The following ARHGAP26 variants were observed in gnomAD, a reference collection of about 807,000 sequenced individuals.
The protein encoded by ARHGAP26 is Rho GTPase activating protein 26.
ARHGAP26 carries 38 observed loss-of-function variants against 104.8 expected under a neutral mutation model. The ratio of observed to expected loss-of-function variants is 0.36; its 90% CI spans 0.28 to 0.48. The LOEUF (loss-of-function observed/expected upper bound fraction) is 0.48, where lower values mean the gene tolerates loss of function less well. ARHGAP26 is among the 20% of genes least tolerant of loss of function. The pLI, the probability that ARHGAP26 is intolerant of heterozygous loss-of-function variation, is 0.99. For synonymous variants in ARHGAP26, 341 were observed against 340.0 expected, an observed-to-expected ratio of 1.00 and a Z score of -0.03; for missense variants, 704 against 947.9, an observed-to-expected ratio of 0.74 and a Z score of 3.38.
Position 143,134,105 on chromosome 5 carries a change from C to T in ARHGAP26, c.1837C>T (p.Gln613Ter), listed in dbSNP as rs1484850928. 5 of 1,608,654 alleles carry T rather than the reference C, an allele frequency of 3.1e-6. No homozygotes were observed. Among genetic ancestry groups the T allele is most frequent in the African/African-American group, 1.3e-5 (1 of 74,780 alleles). The change falls in exon 19 of 23, where the codon CAG (glutamine) becomes TAG (stop). Residue 613 changes from glutamine to a stop codon, truncating the protein, a stop_gained and splice_region_variant. Transcript: ENST00000645722. LOFTEE classifies it high-confidence loss of function. ...LFHTVQSTEKQEQRNSIINSS... is the reference protein window; with the variant it reads ...LFHTVQSTEK ...CCACACCGTTCAGTCAACAGAGAAA[C>T]GTGAGTCTTTGCTGCATAGGGCCAG...
chr5:143,034,891 T>G (rs998100069), intron 12 of ARHGAP26, among the ~76,000 whole-genome samples: 1 of 152,248 alleles, frequency 6.6e-6, no homozygotes, highest in Non-Finnish European at 1.5e-5. Flanking sequence ...TAATTGGGCT[T>G]TCAGCCTGTA....
chr5:142,920,096 A>G (rs1359377698), intron 10 of ARHGAP26, among the ~76,000 whole-genome samples: 1 of 152,208 alleles, frequency 6.6e-6, no homozygotes, highest in Non-Finnish European at 1.5e-5. Context: ...AAGCATTTGA[A>G]GGTTTATAAT....
At position 143,165,967 on chromosome 5, in the gene ARHGAP26, T is replaced by C. The variant is rs551200964; in HGVS notation, c.1988+18586T>C. 92 of 1,228,806 alleles carry C rather than the reference T, an allele frequency of 7.5e-5. 2 individuals are homozygous for C. In the South Asian group the frequency reaches 1.3e-3, roughly 17 times the overall value. 76.1% of individuals were successfully genotyped at this position (1,228,806 alleles called of 1,614,324 possible). A position where few individuals can be genotyped will look rare whatever the true frequency, so the allele number is the denominator to read the frequency against. ...AGCACTTTGCATGGCTTCTGGCTCA[T>C]AATCAGGGCTCAGTAAAAGTTACCT... On this transcript the variant is annotated intron_variant, in intron 20 of 22. Coordinates refer to ENST00000645722, the MANE Select transcript of ARHGAP26 (RefSeq NM_001135608.3).
At position 143,207,294 on chromosome 5, in the gene ARHGAP26, C is replaced by T. The variant is rs139465573; in HGVS notation, c.2085C>T (p.Asp695=). Residue 695 remains aspartate, a synonymous_variant, in exon 21 of 23, where the codon GAC becomes GAT. Transcript: ENST00000645722. The stretch of plus-strand genomic sequence containing the variant: ...TGCCCACCTCATCCACGTCCAGCGA[C>T]TCATCCCCCGTCAGGTCTGTTGCAG... The part of the protein sequence containing the change: ...SPMPTSSTSS[D]SSPVSTPFRK... The T allele has an allele frequency of 1.3e-5, 21 of 1,614,076 alleles. No individual in the cohort carries two copies. Among genetic ancestry groups the T allele is most frequent in the Non-Finnish European group, 1.6e-5 (19 of 1,180,038 alleles).
At chr5:143,186,538 C>A (rs1159778175) in intron 20 of ARHGAP26, among the ~76,000 whole-genome samples, 1 of 152,200 alleles carries the variant, frequency 6.6e-6, no homozygotes, top group Non-Finnish European at 1.5e-5. Flanking sequence ...TTTCTTTGAG[C>A]AAACCAATGG....
intron 11 of ARHGAP26, among the ~76,000 whole-genome samples, chr5:143,012,881 C>G (rs545216693): frequency 7.2e-5 from 11 of 151,834 alleles, no homozygotes; most frequent in Non-Finnish European, 1.3e-4. Flanking sequence ...GTCTCGATCT[C>G]CTGACCTCAT....
At chr5:142,992,540 G>A (rs951295948) in intron 11 of ARHGAP26, among the ~76,000 whole-genome samples, 42 of 150,842 alleles carry the variant, frequency 2.8e-4, no homozygotes, top group Non-Finnish European at 5.6e-4. Context: ...TCATTCTCCC[G>A]CCTCAGCCTC....
intron 4 of ARHGAP26, among the ~76,000 whole-genome samples, chr5:142,880,677 G>A (rs113594227): frequency 6.6e-6 from 1 of 152,028 alleles, no homozygotes; most frequent in Non-Finnish European, 1.5e-5. Context: ...ATTCAGCTGC[G>A]GTCTCTTACG....
At chr5:143,222,324 A>G in intron 22 of ARHGAP26, 34 bp from the exon 23 acceptor site, 2 of 1,487,984 alleles carry the variant, frequency 1.3e-6, no homozygotes, top group Non-Finnish European at 1.8e-6. Context: ...CTGTAATGCC[A>G]TCTCTTCTCG....
At chr5:142,962,534 T>TTA (rs146676871) in intron 11 of ARHGAP26, among the ~76,000 whole-genome samples, 5,864 of 152,296 alleles carry the variant, frequency 0.039, 123 homozygotes, top group Middle Eastern at 0.058. Flanking sequence ...TTTTCCCAGG[T>TTA]TATAGGCTGC....
intron 17 of ARHGAP26, among the ~76,000 whole-genome samples, chr5:143,070,237 G>T (rs754566514): frequency 1.8e-4 from 28 of 152,136 alleles, no homozygotes; most frequent in Non-Finnish European, 3.7e-4. Context: ...TAATAGAACT[G>T]CCACTTAAAC....
chr5:143,086,257 C>T (rs181841729), intron 17 of ARHGAP26, among the ~76,000 whole-genome samples: 1 of 152,310 alleles, frequency 6.6e-6, no homozygotes, highest in African/African-American at 2.4e-5. Context: ...AACTTCCAGT[C>T]CCCTCTGGCA....
In ARHGAP26 at chr5:142,875,133, A is replaced by G; in HGVS notation, c.274A>G (p.Thr92Ala). ...CIARSLQEFA[T>A]VLRNLEDERI... is the part of the protein sequence containing the mutation. ...AGCAAGATCTTTGCAGGAGTTTGCC[A>G]CTGTCCTCAGGAATCTTGAAGATGA... The change falls in exon 3 of 23, where the codon ACT (threonine) becomes GCT (alanine). Residue 92 changes from threonine to alanine, a missense_variant. Physicochemically the swap from Thr to Ala is moderately conservative, Grantham distance 58 (BLOSUM62 0). Transcript: ENST00000645722. 6.2e-7 allele frequency: 1 copy of G among 1,614,112 alleles called. No homozygotes were observed. Among genetic ancestry groups the G allele is most frequent in the Non-Finnish European group, 8.5e-7 (1 of 1,180,010 alleles).
At chr5:143,004,498 C>T (rs570822949) in intron 11 of ARHGAP26, among the ~76,000 whole-genome samples, 12 of 152,222 alleles carry the variant, frequency 7.9e-5, no homozygotes, top group African/African-American at 2.2e-4. Context: ...CAGGAATGCC[C>T]GGGATGCCTT....
intron 17 of ARHGAP26, among the ~76,000 whole-genome samples, chr5:143,066,716 G>A (rs1787545687): frequency 6.6e-6 from 1 of 152,174 alleles, no homozygotes; most frequent in Non-Finnish European, 1.5e-5. Context: ...CACAGCTCTT[G>A]TCCACTTGGG....
Position 142,978,203 on chromosome 5 carries a change from A to G in ARHGAP26, c.1108-35877A>G, listed in dbSNP as rs554570823. ...TTCAGAGGGGCTTAGGGTTTGCCCA[A>G]GGCCTCAAAGGCCATGAGTGGTAGG... On this transcript the variant is annotated intron_variant, in intron 11 of 22. Transcript: ENST00000645722. 5.9e-5 allele frequency among the ~76,000 whole-genome samples: 9 copies of G among 152,296 alleles called. No individual in the cohort carries two copies. In the South Asian group the frequency reaches 1.9e-3, roughly 32 times the overall value.
chr5:142,983,006 T>C (rs1774173555), intron 11 of ARHGAP26, among the ~76,000 whole-genome samples: 1 of 152,138 alleles, frequency 6.6e-6, no homozygotes. Flanking sequence ...GCAGGTGACC[T>C]GAGAGCTGCC....
At chr5:143,206,907 C>T (rs778820705) in intron 20 of ARHGAP26, among the ~76,000 whole-genome samples, 1 of 152,244 alleles carries the variant, frequency 6.6e-6, no homozygotes, top group Non-Finnish European at 1.5e-5. Flanking sequence ...TGTGCGTGGG[C>T]TCAGGGCATT....
chr5:143,045,244 C>T (rs747111006), intron 14 of ARHGAP26, among the ~76,000 whole-genome samples: 2 of 152,180 alleles, frequency 1.3e-5, no homozygotes, highest in African/African-American at 4.8e-5. Context: ...CTGAAAGTCA[C>T]GAGGGCAGCT....
Sources: gnomAD v4.1 joint callset for allele counts (sites outside exome capture counted in the v4.1 genomes callset) on GRCh38, gnomAD v4.1.1 for gene constraint, MANE v1.5 for transcripts, NCBI Gene and HGNC (gene_info 2026-07-23, HGNC 2026-07-21) for gene names.